Variants in CXCL12 observed in about 807,000 individuals in gnomAD.
The protein encoded by CXCL12 is stromal cell-derived factor 1.
Under a neutral mutation model 10.7 loss-of-function variants are expected in CXCL12, and 4 were observed. That is an observed-to-expected ratio of 0.37 (90% CI 0.18 to 0.86). CXCL12 has a LOEUF of 0.86. Among genes scored for constraint, CXCL12 ranks in the 40% least tolerant of loss-of-function variants. CXCL12 has a pLI of 0.43. For synonymous variants in CXCL12, 54 were observed against 45.4 expected, an observed-to-expected ratio of 1.19 and a Z score of -0.77; for missense variants, 122 against 110.4, an observed-to-expected ratio of 1.10 and a Z score of -0.47.
Position 44,377,659 on chromosome 10 carries a change from C to G in CXCL12, c.*974G>C. The G allele has an allele frequency of 6.4e-7, 1 of 1,559,894 alleles. No individual in the cohort carries two copies. Among genetic ancestry groups the G allele is most frequent in the East Asian group, 2.3e-5 (1 of 42,796 alleles). On this transcript the variant is annotated 3_prime_UTR_variant, in exon 3 of 3. Coordinates refer to ENST00000343575, the MANE Select transcript of CXCL12 (RefSeq NM_199168.4). ...CATACATAGGCTTCAGAGGCAATCA[C>G]AAAACCCAGTCACTCAAAGCGAGCT...
Position 44,377,304 on chromosome 10 carries a change from T to A in CXCL12, c.*1329A>T, listed in dbSNP as rs1490988453. On this transcript the variant is annotated 3_prime_UTR_variant, in exon 3 of 3. Coordinates refer to ENST00000343575, the MANE Select transcript of CXCL12 (RefSeq NM_199168.4). The stretch of plus-strand genomic sequence containing the variant: ...AGTAGTTTGAGATAATAGAGAAGTA[T>A]AAACTACTGACATTCATATGGCTCC... 9.8e-7 allele frequency: 1 copy of A among 1,018,420 alleles called. No individual in the cohort carries two copies. Among genetic ancestry groups the A allele is most frequent in the African/African-American group, 1.7e-5 (1 of 57,322 alleles). The allele number at this position is 1,018,420 out of a possible 1,614,324, so 63.1% of individuals were successfully genotyped here. A position where few individuals can be genotyped will look rare whatever the true frequency, so the allele number is the denominator to read the frequency against.
At chr10:44,381,417 C>A (rs538648057) in intron 1 of CXCL12, among the ~76,000 whole-genome samples, 115 of 152,164 alleles carry the variant, frequency 7.6e-4, no homozygotes, top group Non-Finnish European at 1.0e-3. Flanking sequence ...CTCACATTCA[C>A]CTAAAGCTCT....
downstream of CXCL12, among the ~76,000 whole-genome samples, chr10:44,374,083 CACATCAAG>C (rs1839388126): frequency 6.6e-6 from 1 of 152,220 alleles, no homozygotes; most frequent in African/African-American, 2.4e-5. Context: ...CACATACAGT[CACATCAAG>C]ACATCAAGAC....
rs1225408213 is a variant in CXCL12 at position 44,385,001 on chromosome 10, T to C, written c.5A>G (p.Asn2Ser). 1 of 1,352,624 alleles carries C rather than the reference T, an allele frequency of 7.4e-7. No individual in the cohort carries two copies. The highest frequency in any genetic ancestry group is 9.7e-7 in the Non-Finnish European group (1 of 1,030,698). 83.8% of individuals were successfully genotyped at this position (1,352,624 alleles called of 1,614,324 possible). A position where few individuals can be genotyped will look rare whatever the true frequency, so the allele number is the denominator to read the frequency against. Reference sequence around the variant, plus strand: ...GACCAGCACGACCACGACCTTGGCGTTCATGGCGCGGGCGGGCGGGCGGGC... The same window carrying C: ...GACCAGCACGACCACGACCTTGGCGCTCATGGCGCGGGCGGGCGGGCGGGC... M[N>S]AKVVVVLVLV... Residue 2 changes from asparagine to serine, a missense_variant, in exon 1 of 3, where the codon AAC (asparagine) becomes AGC (serine). Asn to Ser is a conservative substitution (Grantham distance 46, BLOSUM62 1). Transcript: ENST00000343575.
In CXCL12 at chr10:44,377,378, T is replaced by C. The variant is rs1211375208; in HGVS notation, c.*1255A>G. 1 of 1,078,244 alleles carries C rather than the reference T, an allele frequency of 9.3e-7. No homozygotes were observed. Among genetic ancestry groups the C allele is most frequent in the East Asian group, 9.0e-5 (1 of 11,068 alleles). The allele number at this position is 1,078,244 out of a possible 1,614,324, so 66.8% of individuals were successfully genotyped here. On this transcript the variant is annotated 3_prime_UTR_variant, in exon 3 of 3. Transcript: ENST00000343575. ...ACTATAAATATATTTTGAAATACATTTGTTTTCTAAAGAAACGTAAAAAAA... is the reference window on the plus strand; with the variant it reads ...ACTATAAATATATTTTGAAATACATCTGTTTTCTAAAGAAACGTAAAAAAA...
chr10:44,374,685 G>A, downstream of CXCL12: 2 of 456,070 alleles, frequency 4.4e-6, no homozygotes, highest in Non-Finnish European at 4.4e-6. Context: ...CCGGGACAGG[G>A]TGTGTCTGAC....
At chr10:44,373,843 G>A (rs1414340096), downstream of CXCL12, among the ~76,000 whole-genome samples, 1 of 152,220 alleles carries the variant, frequency 6.6e-6, no homozygotes, top group Non-Finnish European at 1.5e-5. Flanking sequence ...ACAGGGGTGG[G>A]TGCACAGGTG....
downstream of CXCL12, chr10:44,371,237 T>C: frequency 3.5e-6 from 1 of 289,078 alleles, no homozygotes; most frequent in Non-Finnish European, 6.9e-6. Flanking sequence ...TCTTATCTAT[T>C]TTCTCCCATG....
chr10:44,382,382 GAGTGTTGTGC>G (rs1228329517), intron 1 of CXCL12, among the ~76,000 whole-genome samples: 1 of 152,220 alleles, frequency 6.6e-6, no homozygotes, highest in African/African-American at 2.4e-5. Flanking sequence ...AAACGCTCCT[GAGTGTTGTGC>G]CTCCAGGTTT....
At chr10:44,374,512 G>A (rs574902207), downstream of CXCL12, 1 of 456,102 alleles carries the variant, frequency 2.2e-6, no homozygotes, top group South Asian at 1.5e-5. Flanking sequence ...GTGACCCCCA[G>A]TGCTGGCAAG....
exon 4 of CXCL12, chr10:44,370,346 A>G (rs1006898299): frequency 6.6e-6 from 1 of 152,662 alleles, no homozygotes; most frequent in Admixed American, 6.5e-5. Flanking sequence ...GGGAGATGCA[A>G]TTGAAACAAT....
downstream of CXCL12, chr10:44,373,392 A>T (rs776066035): frequency 1.0e-5 from 16 of 1,531,018 alleles, no homozygotes; most frequent in South Asian, 1.7e-4. Flanking sequence ...TTCCCCCCAC[A>T]CCCAGCCAGC....
chr10:44,373,170 C>T (rs1839358203), downstream of CXCL12: 94 of 1,538,718 alleles, frequency 6.1e-5, no homozygotes, highest in Non-Finnish European at 8.2e-5. Flanking sequence ...TATTTTGCTA[C>T]ATAATCAAAT....
At position 44,380,873 on chromosome 10, in the gene CXCL12, G is replaced by A. The variant is rs778458592; in HGVS notation, c.69C>T (p.Pro23=). 3.3e-5 allele frequency: 54 copies of A among 1,613,998 alleles called. No individual in the cohort carries two copies. Among genetic ancestry groups the A allele is most frequent in the Admixed American group, 2.8e-4 (17 of 59,994 alleles). Residue 23 remains proline, a synonymous_variant, in exon 2 of 3, where the codon CCC becomes CCT. Transcript: ENST00000343575. ...ATGGGCATCTGTAGCTCAGGCTGAC[G>A]GGCTTCCCTAGAAGAGGTAAGGACA... The part of the protein sequence containing the change: ...LTALCLSDGK[P]VSLSYRCPCR...
Position 44,384,982 on chromosome 10 carries a change from C to T in CXCL12, c.24G>A (p.Val8=), listed in dbSNP as rs1331781346. 1.2e-5 allele frequency: 19 copies of T among 1,537,514 alleles called. No individual in the cohort carries two copies. The highest frequency in any genetic ancestry group is 1.6e-5 in the Non-Finnish European group (18 of 1,152,774). Residue 8 remains valine, a synonymous_variant, in exon 1 of 3, where the codon GTG becomes GTA. Coordinates refer to ENST00000343575, the MANE Select transcript of CXCL12 (RefSeq NM_199168.4). MNAKVVV[V]LVLVLTALCL... Reference sequence around the variant, plus strand: ...AGAGCGCGGTCAGCACGAGGACCAGCACGACCACGACCTTGGCGTTCATGG... The same window carrying T: ...AGAGCGCGGTCAGCACGAGGACCAGTACGACCACGACCTTGGCGTTCATGG...
chr10:44,380,029 T>G (rs1029845779), intron 2 of CXCL12, among the ~76,000 whole-genome samples: 4 of 152,200 alleles, frequency 2.6e-5, no homozygotes, highest in African/African-American at 9.6e-5. Context: ...CTAGAACTTC[T>G]GAGCAATCAA....
At chr10:44,378,820 G>T (rs918814896) in intron 2 of CXCL12, 97 bp from the exon 3 acceptor site, 40 of 1,236,092 alleles carry the variant, frequency 3.2e-5, no homozygotes, top group Non-Finnish European at 4.6e-5. Flanking sequence ...TAGGGCCCTC[G>T]CTGGCACCCC....
intron 1 of CXCL12, among the ~76,000 whole-genome samples, chr10:44,381,106 T>C (rs17878725): frequency 0.014 from 2,088 of 152,248 alleles, 56 homozygotes; most frequent in African/African-American, 0.047. Context: ...CCAACAGGCC[T>C]GGGGAGAGCC....
rs74729808 is a variant in CXCL12, at chr10:44,378,466, A to G, written c.*167T>C. ...CGTATGCTATAAATGCAGGGTCTAA[A>G]TGCTGGCAAACCTCAGGCCCGATCC... On this transcript the variant is annotated 3_prime_UTR_variant, in exon 3 of 3. Coordinates refer to ENST00000343575, the MANE Select transcript of CXCL12 (RefSeq NM_199168.4). 2.4e-3 allele frequency: 3,762 copies of G among 1,536,942 alleles called. 9 individuals are homozygous for G. The highest frequency in any genetic ancestry group is 2.7e-3 in the Non-Finnish European group (3,093 of 1,142,822).
Sources: gnomAD v4.1 joint callset for allele counts (sites outside exome capture counted in the v4.1 genomes callset) on GRCh38, gnomAD v4.1.1 for gene constraint, MANE v1.5 for transcripts, NCBI Gene and HGNC (gene_info 2026-07-23, HGNC 2026-07-21) for gene names.